The following PRKAG2 variants were observed in gnomAD, a reference collection of about 807,000 sequenced individuals.
PRKAG2 encodes protein kinase AMP-activated non-catalytic subunit gamma 2.
In PRKAG2, 26 loss-of-function variants were observed where a neutral mutation model predicts 69.6. That is an observed-to-expected ratio of 0.37 (90% confidence interval 0.27 to 0.52). PRKAG2 has a LOEUF of 0.52. Among genes scored for constraint, PRKAG2 ranks in the 20% least tolerant of loss-of-function variants. The probability of loss-of-function intolerance (pLI) is 0.90; values close to 1 mark genes in which losing one functional copy is unlikely to be tolerated. For missense variants in PRKAG2, 557 were observed against 740.0 expected (o/e 0.75, Z 2.87); for synonymous variants, 293 against 285.0 (o/e 1.03, Z -0.28).
At chr7:151,845,731 G>A (rs2079414698) in intron 1 of PRKAG2, among the ~76,000 whole-genome samples, 1 of 152,210 alleles carries the variant, frequency 6.6e-6, no homozygotes, top group Non-Finnish European at 1.5e-5. Context: ...CAGGTAGTGG[G>A]AGCCGCATTT....
rs1196186699 is a variant in PRKAG2, at chr7:151,874,453, GATGTAT to G, written c.114+2048_114+2053del. Among the ~76,000 whole-genome samples, 227 of 10,414 alleles carry G rather than the reference GATGTAT, an allele frequency of 0.022. 28 individuals are homozygous for G. The South Asian group carries it at 0.22, about 10-fold the overall frequency. The allele number at this position is 10,414 out of a possible 152,430, so 6.8% of individuals were successfully genotyped here. A position where few individuals can be genotyped will look rare whatever the true frequency, so the allele number is the denominator to read the frequency against. On this transcript the variant is annotated intron_variant, in intron 1 of 15. Coordinates refer to ENST00000287878, the MANE Select transcript of PRKAG2 (RefSeq NM_016203.4). ...ATATGATGTATATGTATATGTATAT[GATGTAT>G]ATGTATATGTATATGATGTATATGT...
intron 1 of PRKAG2, among the ~76,000 whole-genome samples, chr7:151,791,405 C>T (rs2077267776): frequency 6.6e-6 from 1 of 152,194 alleles, no homozygotes; most frequent in African/African-American, 2.4e-5. Flanking sequence ...GGGCCTTCCC[C>T]ACCACTGGTC....
intron 3 of PRKAG2, among the ~76,000 whole-genome samples, chr7:151,685,990 C>G (rs988250478): frequency 2.0e-4 from 31 of 152,280 alleles, no homozygotes; most frequent in African/African-American, 7.2e-4. Flanking sequence ...CCCTCTTTCC[C>G]TGTGAGACGG....
chr7:151,871,203 G>A (rs1043591444), intron 1 of PRKAG2, among the ~76,000 whole-genome samples: 5 of 152,176 alleles, frequency 3.3e-5, no homozygotes, highest in East Asian at 1.9e-4. Context: ...TTCTTAGACC[G>A]ACATAAGGGA....
intron 6 of PRKAG2, among the ~76,000 whole-genome samples, chr7:151,592,895 T>A (rs1318793769): frequency 6.6e-6 from 1 of 152,170 alleles, no homozygotes; most frequent in Non-Finnish European, 1.5e-5. Flanking sequence ...TTCAAATACA[T>A]CTTTTTACCT....
At chr7:151,679,568 G>A (rs1833514186) in intron 3 of PRKAG2, among the ~76,000 whole-genome samples, 1 of 152,148 alleles carries the variant, frequency 6.6e-6, no homozygotes, top group African/African-American at 2.4e-5. Context: ...GAGCTGAATA[G>A]GATGTGGTGG....
chr7:151,787,131 A>G (rs2151817616), intron 1 of PRKAG2, among the ~76,000 whole-genome samples: 1 of 152,338 alleles, frequency 6.6e-6, no homozygotes, highest in East Asian at 1.9e-4. Context: ...ACCAGGCAGA[A>G]TCCTGCCCAG....
intron 4 of PRKAG2, among the ~76,000 whole-genome samples, chr7:151,649,622 C>T (rs1828131365): frequency 6.6e-6 from 1 of 152,094 alleles, no homozygotes; most frequent in Non-Finnish European, 1.5e-5. Flanking sequence ...AATGGTTTAG[C>T]ACAATCCCCT....
intron 3 of PRKAG2, chr7:151,736,023 G>C: frequency 6.5e-7 from 1 of 1,536,148 alleles, no homozygotes; most frequent in Non-Finnish European, 8.7e-7. Flanking sequence ...AGTGGCGACA[G>C]GTGAACATAT....
At chr7:151,759,335 G>A (rs1056533080) in intron 3 of PRKAG2, among the ~76,000 whole-genome samples, 2 of 152,102 alleles carry the variant, frequency 1.3e-5, no homozygotes, top group Admixed American at 6.5e-5. Context: ...CAGCACCCCC[G>A]CAGCCCCTCT....
At chr7:151,792,653 A>C (rs1261744400) in intron 1 of PRKAG2, among the ~76,000 whole-genome samples, 1 of 152,248 alleles carries the variant, frequency 6.6e-6, no homozygotes, top group African/African-American at 2.4e-5. Context: ...ATACAGGACA[A>C]ATAGAAAGGC....
chr7:151,844,952 G>C lies in PRKAG2; in HGVS notation c.114+31555C>G, dbSNP rs1109275. Among the ~76,000 whole-genome samples the C allele has an allele frequency of 3.4e-3, 506 of 150,158 alleles. 2 individuals are homozygous for C. The highest frequency in any genetic ancestry group is 0.012 in the African/African-American group (494 of 39,698). On this transcript the variant is annotated intron_variant, in intron 1 of 15. Coordinates refer to ENST00000287878, the MANE Select transcript of PRKAG2 (RefSeq NM_016203.4). ...GCTCCCCAGCCCGGCAAACCTCCCT[G>C]GGACACGGGGACGTCACAGCTCCTC...
chr7:151,867,163 T>C (rs187778453), intron 1 of PRKAG2, among the ~76,000 whole-genome samples: 1 of 152,170 alleles, frequency 6.6e-6, no homozygotes, highest in East Asian at 1.9e-4. Flanking sequence ...GGCCATGCCA[T>C]GGAGCCCCTC....
intron 3 of PRKAG2, among the ~76,000 whole-genome samples, chr7:151,726,064 CAG>C (rs774191413): frequency 2.6e-5 from 4 of 152,130 alleles, no homozygotes; most frequent in Non-Finnish European, 4.4e-5. Flanking sequence ...CAGGCAGCCT[CAG>C]AGATGGTGCT....
At position 151,814,944 on chromosome 7, in the gene PRKAG2, G is replaced by A. The variant is rs2078597360; in HGVS notation, c.115-28403C>T. 3.3e-5 allele frequency: 37 copies of A among 1,122,518 alleles called. No homozygotes were observed. The highest frequency in any genetic ancestry group is 4.0e-5 in the Non-Finnish European group (36 of 889,134). The allele number at this position is 1,122,518 out of a possible 1,614,324, so 69.5% of individuals were successfully genotyped here. On this transcript the variant is annotated intron_variant, in intron 1 of 15. Coordinates refer to ENST00000287878, the MANE Select transcript of PRKAG2 (RefSeq NM_016203.4). The surrounding 1 kb of genome is among the most constrained non-coding windows in gnomAD (Gnocchi z 4.8). The stretch of plus-strand genomic sequence containing the variant: ...TTAAAAAGACAGGCAGCAGGATGGA[G>A]GGAGGCAGGAGCAGAGGCCGATGAT...
intron 15 of PRKAG2, chr7:151,557,902 A>T: frequency 1.0e-6 from 1 of 982,282 alleles, no homozygotes; most frequent in Non-Finnish European, 1.2e-6. Context: ...AAAAAAACAA[A>T]AAAAAAACCT....
In PRKAG2 at chr7:151,620,206, C is replaced by T. The variant is rs532201615; in HGVS notation, c.754+11863G>A. ...TTTCCTCATATCCCTGGTTTATTAA[C>T]GATTTTTAAAAAGGAACATATGTTG... On this transcript the variant is annotated intron_variant, in intron 5 of 15. Coordinates refer to ENST00000287878, the MANE Select transcript of PRKAG2 (RefSeq NM_016203.4). Among the ~76,000 whole-genome samples, 14 of 152,154 alleles carry T rather than the reference C, an allele frequency of 9.2e-5. No homozygotes were observed. In the East Asian group the frequency reaches 2.3e-3, roughly 25 times the overall value.
At chr7:151,803,692 C>T (rs552536319) in intron 1 of PRKAG2, among the ~76,000 whole-genome samples, 1 of 151,576 alleles carries the variant, frequency 6.6e-6, no homozygotes, top group African/African-American at 2.4e-5. Context: ...CTGAGAGCAA[C>T]GGCTATATTA....
At position 151,874,076 on chromosome 7, in the gene PRKAG2, TATGTATATGTATATG is replaced by T. The variant is rs1254909490; in HGVS notation, c.114+2416_114+2430del. Among the ~76,000 whole-genome samples the T allele has an allele frequency of 7.0e-4, 100 of 142,590 alleles. 2 individuals carry two copies. In the South Asian group the frequency reaches 8.6e-3, roughly 12 times the overall value. 93.5% of individuals were successfully genotyped at this position (142,590 alleles called of 152,430 possible). ...TGTATATGTATATGTATATGATGTA[TATGTATATGTATATG>T]ATGTATATGTATATGATGTATATGT... On this transcript the variant is annotated intron_variant, in intron 1 of 15. Coordinates refer to ENST00000287878, the MANE Select transcript of PRKAG2 (RefSeq NM_016203.4).
Sources: allele counts gnomAD v4.1 joint callset (sites outside exome capture counted in the v4.1 genomes callset), GRCh38; gene constraint gnomAD v4.1.1; non-coding constraint Gnocchi (gnomAD v3.1); transcripts MANE v1.5; gene names NCBI Gene and HGNC (gene_info 2026-07-23, HGNC 2026-07-21).